HLCS: variants seen among roughly 807,000 people sequenced by gnomAD.
The protein encoded by HLCS is holocarboxylase synthetase, also known as biotin--protein ligase.
Under a neutral mutation model 75.0 loss-of-function variants are expected in HLCS, and 53 were observed. The ratio of observed to expected loss-of-function variants is 0.71; its 90% CI spans 0.57 to 0.89. HLCS has a LOEUF of 0.89. HLCS is among the 40% of genes least tolerant of loss of function. HLCS has a pLI of 0.00. For synonymous variants in HLCS, 431 were observed against 428.6 expected, an observed-to-expected ratio of 1.01 and a Z score of -0.07; for missense variants, 966 against 1,074.0, an observed-to-expected ratio of 0.90 and a Z score of 1.41.
upstream of HLCS, among the ~76,000 whole-genome samples, chr21:36,970,698 T>C (rs1232886226): frequency 6.6e-6 from 1 of 150,942 alleles, no homozygotes; most frequent in Non-Finnish European, 1.5e-5. Flanking sequence ...CAAGGAACTA[T>C]GTAGAAAATC....
intron 6 of HLCS, among the ~76,000 whole-genome samples, chr21:36,789,760 C>T (rs560673224): frequency 9.8e-5 from 15 of 152,304 alleles, no homozygotes; most frequent in African/African-American, 1.9e-4. Flanking sequence ...TTTTAATCTA[C>T]GAATTAATAA....
intron 6 of HLCS, among the ~76,000 whole-genome samples, chr21:36,823,608 A>AGGGGGT: frequency 1.3e-5 from 1 of 75,904 alleles, no homozygotes; most frequent in East Asian, 2.5e-4. Context: ...TCAAACGTGC[A>AGGGGGT]GGGTGTGTGT....
intron 6 of HLCS, among the ~76,000 whole-genome samples, chr21:36,802,619 C>A (rs1014070554): frequency 5.3e-5 from 8 of 152,176 alleles, no homozygotes; most frequent in African/African-American, 1.9e-4. Flanking sequence ...GTGGCACAGC[C>A]AAGGCTTCAT....
chr21:36,748,741 C>T lies in HLCS; in HGVS notation c.*5505G>A, dbSNP rs1337384253. 1 of 152,584 alleles carries T rather than the reference C, an allele frequency of 6.6e-6. No homozygotes were observed. Among genetic ancestry groups the T allele is most frequent in the Non-Finnish European group, 1.5e-5 (1 of 68,050 alleles). 9.5% of individuals were successfully genotyped at this position (152,584 alleles called of 1,614,324 possible). ...TGTCTGTGAACATAGGTGTGCTTCC[C>T]AAATACATTAACAAGCTCTTACTTC... On this transcript the variant is annotated 3_prime_UTR_variant, in exon 11 of 11. Transcript: ENST00000674895.
intron 6 of HLCS, among the ~76,000 whole-genome samples, chr21:36,853,327 G>A (rs1408961183): frequency 1.3e-5 from 2 of 152,106 alleles, no homozygotes; most frequent in Non-Finnish European, 2.9e-5. Flanking sequence ...ACAAAGAAAG[G>A]GAGAGCACTC....
At chr21:36,884,466 T>C (rs2064362502) in intron 6 of HLCS, among the ~76,000 whole-genome samples, 1 of 152,264 alleles carries the variant, frequency 6.6e-6, no homozygotes, top group African/African-American at 2.4e-5. Flanking sequence ...AGGCTGGTTA[T>C]TCCAAGGTCA....
intron 5 of HLCS, among the ~76,000 whole-genome samples, chr21:36,921,702 A>G (rs994194967): frequency 1.3e-5 from 2 of 152,154 alleles, no homozygotes; most frequent in Admixed American, 1.3e-4. Context: ...TCGGAGGCGC[A>G]GCAGCACAGT....
At chr21:36,905,580 G>A (rs1276130573) in intron 5 of HLCS, among the ~76,000 whole-genome samples, 1 of 152,094 alleles carries the variant, frequency 6.6e-6, no homozygotes, top group African/African-American at 2.4e-5. Context: ...ATGCTTTATA[G>A]TCACATAAAT....
At chr21:36,884,828 T>C (rs1442568029) in intron 6 of HLCS, among the ~76,000 whole-genome samples, 1 of 152,092 alleles carries the variant, frequency 6.6e-6, no homozygotes, top group Admixed American at 6.5e-5. Context: ...TTAAAGAGAA[T>C]GTAGTAATGT....
intron 6 of HLCS, among the ~76,000 whole-genome samples, chr21:36,777,967 A>T (rs1401291541): frequency 2.6e-5 from 4 of 152,132 alleles, no homozygotes; most frequent in South Asian, 2.1e-4. Flanking sequence ...TATTATTTTT[A>T]TTTATTTTTT....
At chr21:36,886,069 T>C (rs890701351) in intron 6 of HLCS, among the ~76,000 whole-genome samples, 4 of 152,070 alleles carry the variant, frequency 2.6e-5, no homozygotes, top group Non-Finnish European at 5.9e-5. Flanking sequence ...TATCTACTTT[T>C]TTTTTTTTCC....
At chr21:36,905,100 CATAATTTGT>C (rs2065396172) in intron 5 of HLCS, among the ~76,000 whole-genome samples, 1 of 152,200 alleles carries the variant, frequency 6.6e-6, no homozygotes, top group Non-Finnish European at 1.5e-5. Flanking sequence ...CACGACTATA[CATAATTTGT>C]ATAAGTGCTT....
chr21:36,822,177 T>C (rs899081176), intron 6 of HLCS, among the ~76,000 whole-genome samples: 2 of 152,140 alleles, frequency 1.3e-5, no homozygotes, highest in Admixed American at 6.5e-5. Flanking sequence ...ATCCCAGTAC[T>C]TTGGGAGGCT....
At chr21:36,857,267 A>C (rs116192667) in intron 6 of HLCS, among the ~76,000 whole-genome samples, 2,514 of 152,292 alleles carry the variant, frequency 0.017, 77 homozygotes, top group African/African-American at 0.058. Context: ...GATATTCCCA[A>C]AGGAGAACAT....
intron 6 of HLCS, among the ~76,000 whole-genome samples, chr21:36,843,349 G>A (rs1026236558): frequency 5.3e-5 from 8 of 152,060 alleles, no homozygotes; most frequent in African/African-American, 1.7e-4. Flanking sequence ...GAGGTAGGGC[G>A]ATCACATGAG....
At chr21:36,889,121 C>T (rs1313196444) in intron 6 of HLCS, among the ~76,000 whole-genome samples, 1 of 152,180 alleles carries the variant, frequency 6.6e-6, no homozygotes, top group Non-Finnish European at 1.5e-5. Flanking sequence ...GGAGTTGCTC[C>T]AGAACTGCTT....
At chr21:36,841,569 G>T (rs2062616750) in intron 6 of HLCS, among the ~76,000 whole-genome samples, 1 of 152,238 alleles carries the variant, frequency 6.6e-6, no homozygotes, top group Admixed American at 6.5e-5. Flanking sequence ...GCACAACGTG[G>T]TGGCTAAGAG....
At chr21:36,909,427 G>A (rs1028718590) in intron 5 of HLCS, among the ~76,000 whole-genome samples, 1 of 152,028 alleles carries the variant, frequency 6.6e-6, no homozygotes, top group Admixed American at 6.5e-5. Context: ...ATTCACTAAC[G>A]TCCAAATAAC....
chr21:36,954,288 C>A lies in HLCS; in HGVS notation c.330+7748G>T, dbSNP rs568484136. Among the ~76,000 whole-genome samples the A allele has an allele frequency of 2.7e-5, 4 of 149,714 alleles. No homozygotes were observed. In the South Asian group the frequency reaches 8.5e-4, roughly 32 times the overall value. ...ACTGCACTCCAGCCTGGCGACAGAG[C>A]GAGATTCCATCTCAAAAATAAAATA... On this transcript the variant is annotated intron_variant, in intron 2 of 10. Coordinates refer to ENST00000674895, the MANE Select transcript of HLCS (RefSeq NM_001352514.2).
Sources: allele counts gnomAD v4.1 joint callset (sites outside exome capture counted in the v4.1 genomes callset), GRCh38; gene constraint gnomAD v4.1.1; transcripts MANE v1.5; gene names NCBI Gene and HGNC (gene_info 2026-07-23, HGNC 2026-07-21).